The following CLSTN2 variants were observed in gnomAD, a reference collection of about 807,000 sequenced individuals.
CLSTN2 encodes the protein calsyntenin-2.
Under a neutral mutation model 101.2 loss-of-function variants are expected in CLSTN2, and 48 were observed. That is an observed-to-expected ratio of 0.47 (90% CI 0.38 to 0.60). CLSTN2 has a LOEUF of 0.60. CLSTN2 is among the 20% of genes least tolerant of loss of function. The pLI, the probability that CLSTN2 is intolerant of heterozygous loss-of-function variation, is 0.00. For missense variants in CLSTN2, 1,160 were observed against 1,238.2 expected (o/e 0.94, Z 0.95); for synonymous variants, 481 against 463.6 (o/e 1.04, Z -0.48).
At chr3:140,228,335 A>C (rs2086341257) in intron 2 of CLSTN2, among the ~76,000 whole-genome samples, 1 of 152,128 alleles carries the variant, frequency 6.6e-6, no homozygotes, top group Admixed American at 6.6e-5. Flanking sequence ...AACAAGAGTC[A>C]CCTTTGCTCT....
intron 2 of CLSTN2, among the ~76,000 whole-genome samples, chr3:140,214,504 G>A (rs904123782): frequency 2.0e-5 from 3 of 152,094 alleles, no homozygotes; most frequent in African/African-American, 7.2e-5. Flanking sequence ...TACCTAGCAT[G>A]AGTAGGTGAT....
At chr3:139,953,145 T>C (rs1935321286) in intron 1 of CLSTN2, among the ~76,000 whole-genome samples, 1 of 152,154 alleles carries the variant, frequency 6.6e-6, no homozygotes, top group Admixed American at 6.5e-5. Flanking sequence ...CTGGCCTTGA[T>C]ACCTTCTAGG....
chr3:140,097,522 A>C (rs2107788476), intron 1 of CLSTN2, among the ~76,000 whole-genome samples: 1 of 152,348 alleles, frequency 6.6e-6, no homozygotes, highest in Admixed American at 6.5e-5. Context: ...GATAAGACAT[A>C]CTAATATGAA....
chr3:140,291,732 C>T (rs1048398746), intron 2 of CLSTN2, among the ~76,000 whole-genome samples: 1 of 151,726 alleles, frequency 6.6e-6, no homozygotes, highest in African/African-American at 2.4e-5. Flanking sequence ...TAATCCAATG[C>T]CAAAAGGAGA....
At position 140,164,383 on chromosome 3, in the gene CLSTN2, A is replaced by G. The variant is rs149256216; in HGVS notation, c.110-11568A>G. Among the ~76,000 whole-genome samples the G allele has an allele frequency of 6.7e-4, 102 of 152,256 alleles. No individual in the cohort carries two copies. The East Asian group carries it at 0.017, about 25-fold the overall frequency. On this transcript the variant is annotated intron_variant, in intron 1 of 16. Coordinates refer to ENST00000458420, the MANE Select transcript of CLSTN2 (RefSeq NM_022131.3). ...CTGTAGATACTGAGGTGCAGAACTG[A>G]AAACCTTTGCTGGCAACCTATAAAG...
At chr3:140,032,702 T>C (rs992019372) in intron 1 of CLSTN2, among the ~76,000 whole-genome samples, 19 of 152,264 alleles carry the variant, frequency 1.2e-4, no homozygotes, top group African/African-American at 4.1e-4. Flanking sequence ...CATGCCTTCC[T>C]GCCATATGGG....
At position 140,273,210 on chromosome 3, in the gene CLSTN2, G is replaced by A. The variant is rs532612010; in HGVS notation, c.232+97137G>A. ...ATCACAACACATACCGGAACCTGTC[G>A]GGGGGTGGGGGGCAAGGGCAGGGAG... On this transcript the variant is annotated intron_variant, in intron 2 of 16. Coordinates refer to ENST00000458420, the MANE Select transcript of CLSTN2 (RefSeq NM_022131.3). Among the ~76,000 whole-genome samples the A allele has an allele frequency of 5.8e-4, 88 of 152,042 alleles. 1 individual carries two copies. The highest frequency in any genetic ancestry group is 2.0e-3 in the African/African-American group (82 of 41,446).
chr3:140,012,612 C>T (rs1161388127), intron 1 of CLSTN2, among the ~76,000 whole-genome samples: 1 of 152,178 alleles, frequency 6.6e-6, no homozygotes. Context: ...GTGGACTTCT[C>T]TTTCTAACTC....
At chr3:140,144,218 T>C (rs893302172) in intron 1 of CLSTN2, among the ~76,000 whole-genome samples, 2 of 152,218 alleles carry the variant, frequency 1.3e-5, no homozygotes, top group Non-Finnish European at 2.9e-5. Flanking sequence ...TGGAGACAAA[T>C]ATGACTCCTG....
At chr3:140,562,597 A>T (rs1312706233) in intron 13 of CLSTN2, among the ~76,000 whole-genome samples, 2 of 152,218 alleles carry the variant, frequency 1.3e-5, no homozygotes, top group African/African-American at 4.8e-5. Flanking sequence ...AACATCTGGA[A>T]GATTAAGGCA....
intron 1 of CLSTN2, among the ~76,000 whole-genome samples, chr3:140,141,890 T>C (rs1320790387): frequency 6.6e-6 from 1 of 152,242 alleles, no homozygotes; most frequent in Non-Finnish European, 1.5e-5. Context: ...AGTTTCATTG[T>C]TTCAGAAGCT....
chr3:140,117,043 G>C (rs1268924037), intron 1 of CLSTN2, among the ~76,000 whole-genome samples: 1 of 152,152 alleles, frequency 6.6e-6, no homozygotes, highest in Admixed American at 6.5e-5. Context: ...GCTGGGAGGG[G>C]GACAGTTTGC....
chr3:140,562,246 A>G lies in CLSTN2; in HGVS notation c.2150A>G (p.His717Arg). Residue 717 changes from histidine (H) to arginine (R), a missense_variant, in exon 13 of 17, where the codon CAC becomes CGC. By Grantham distance (29) the His-to-Arg change is conservative. Coordinates refer to ENST00000458420, the MANE Select transcript of CLSTN2 (RefSeq NM_022131.3). ...AGGCAGGAGTGCTTGGAGCTCAACC[A>G]CAGTGAGCTCCACCAACGACACCTG... Reference protein sequence around the residue: ...DPRQECLELNHSELHQRHLDA... With the variant: ...DPRQECLELNRSELHQRHLDA... 1 of 1,613,672 alleles carries G rather than the reference A, an allele frequency of 6.2e-7. No homozygotes were observed. Among genetic ancestry groups the G allele is most frequent in the Non-Finnish European group, 8.5e-7 (1 of 1,179,608 alleles).
At chr3:140,519,998 C>T (rs1427496959) in intron 8 of CLSTN2, among the ~76,000 whole-genome samples, 1 of 152,158 alleles carries the variant, frequency 6.6e-6, no homozygotes, top group Non-Finnish European at 1.5e-5. Flanking sequence ...GCAAGGCTGG[C>T]CTGATGGTGA....
intron 1 of CLSTN2, among the ~76,000 whole-genome samples, chr3:140,152,064 C>T (rs2009875887): frequency 6.6e-6 from 1 of 152,112 alleles, no homozygotes; most frequent in Admixed American, 6.5e-5. Flanking sequence ...TCATCCTTGA[C>T]CTCCCCTTCC....
chr3:140,063,992 GC>G (rs1383996578), intron 1 of CLSTN2, among the ~76,000 whole-genome samples: 1 of 152,128 alleles, frequency 6.6e-6, no homozygotes, highest in Non-Finnish European at 1.5e-5. Context: ...CCCTGCCAGG[GC>G]CTTTGCTTCT....
At chr3:140,400,047 A>C (rs2088223224) in intron 2 of CLSTN2, among the ~76,000 whole-genome samples, 1 of 151,752 alleles carries the variant, frequency 6.6e-6, no homozygotes, top group Non-Finnish European at 1.5e-5. Flanking sequence ...TGGCTAATAC[A>C]GGATGTAATG....
intron 2 of CLSTN2, among the ~76,000 whole-genome samples, chr3:140,182,170 C>T (rs1376603147): frequency 1.3e-5 from 2 of 152,152 alleles, no homozygotes; most frequent in Non-Finnish European, 2.9e-5. Context: ...GCAACAACAT[C>T]AAGCTAGAAT....
chr3:139,996,040 C>T (rs1035331854), intron 1 of CLSTN2, among the ~76,000 whole-genome samples: 11 of 152,188 alleles, frequency 7.2e-5, no homozygotes, highest in Non-Finnish European at 1.3e-4. Flanking sequence ...CCATGTGCTC[C>T]TTCCATCTCC....
Sources: allele counts gnomAD v4.1 joint callset (sites outside exome capture counted in the v4.1 genomes callset), GRCh38; gene constraint gnomAD v4.1.1; transcripts MANE v1.5; gene names NCBI Gene and HGNC (gene_info 2026-07-23, HGNC 2026-07-21).